The following TRIM55 variants were observed in gnomAD, a reference collection of about 807,000 sequenced individuals.
The protein encoded by TRIM55 is tripartite motif containing 55.
In TRIM55, 50 loss-of-function variants were observed where a neutral mutation model predicts 60.9. The observed-to-expected ratio is 0.82, with a 90% CI of 0.65 to 1.04. The LOEUF is 1.04. Ranked by LOEUF, TRIM55 falls within the 50% of genes least tolerant of loss-of-function variation. The pLI, the probability that TRIM55 is intolerant of heterozygous loss-of-function variation, is 0.00. For synonymous variants in TRIM55, 237 were observed against 238.1 expected, an observed-to-expected ratio of 1.00 and a Z score of 0.04; for missense variants, 681 against 666.9, an observed-to-expected ratio of 1.02 and a Z score of -0.23.
the TRIM55 span, among the ~76,000 whole-genome samples, chr8:66,115,860 G>C: frequency 6.6e-6 from 1 of 152,202 alleles, no homozygotes; most frequent in Non-Finnish European, 1.5e-5. Context: ...AAAGGCCTTA[G>C]TACAGTGCCT....
chr8:66,114,245 G>A, the TRIM55 span, among the ~76,000 whole-genome samples: 1 of 152,100 alleles, frequency 6.6e-6, no homozygotes, highest in Non-Finnish European at 1.5e-5. Context: ...TAGCGGGATC[G>A]ATGCCCGCAT....
intron 4 of TRIM55, among the ~76,000 whole-genome samples, chr8:66,142,860 T>C (rs975927193): frequency 6.6e-6 from 1 of 152,250 alleles, no homozygotes; most frequent in Non-Finnish European, 1.5e-5. Context: ...CCCTAGTCTG[T>C]ACTCATGGGA....
rs1051110935 is a variant in TRIM55, at chr8:66,135,028, A to C, written c.380A>C (p.His127Pro). 2.5e-6 allele frequency: 4 copies of C among 1,614,252 alleles called. No individual in the cohort carries two copies. Among genetic ancestry groups the C allele is most frequent in the Non-Finnish European group, 2.5e-6 (3 of 1,180,050 alleles). ...TCCGACCAGCCCATGTGCGAGGAACATGAAGAGGAGCGCATCAACATCTAC... is the reference window on the plus strand; with the variant it reads ...TCCGACCAGCCCATGTGCGAGGAACCTGAAGAGGAGCGCATCAACATCTAC... The part of the protein sequence containing the change: ...KKSDQPMCEE[H>P]EEERINIYCL... Residue 127 changes from histidine to proline, a missense_variant, in exon 3 of 10, where the codon CAT (histidine) becomes CCT (proline). Coordinates refer to ENST00000315962, the MANE Select transcript of TRIM55 (RefSeq NM_184085.2).
chr8:66,138,997 C>T (rs1239387124), intron 4 of TRIM55, among the ~76,000 whole-genome samples: 2 of 152,158 alleles, frequency 1.3e-5, no homozygotes, highest in African/African-American at 2.4e-5. Flanking sequence ...AAATCAATCT[C>T]GTTTCTTCTC....
At chr8:66,169,303 A>G (rs1211192871) in intron 9 of TRIM55, among the ~76,000 whole-genome samples, 1 of 152,180 alleles carries the variant, frequency 6.6e-6, no homozygotes, top group Admixed American at 6.5e-5. Context: ...ATATCCACCA[A>G]TCTGCACCCA....
the TRIM55 span, among the ~76,000 whole-genome samples, chr8:66,121,772 T>A: frequency 2.0e-5 from 3 of 152,374 alleles, no homozygotes; most frequent in Non-Finnish European, 2.9e-5. Context: ...GAATCTATTC[T>A]GGTTCTGAGG....
chr8:66,154,226 A>C lies in TRIM55; in HGVS notation c.1416A>C (p.Pro472=). ...GSEGLGQIGP[P]GSEDSNVRKA... is the part of the protein sequence containing the mutation. ...AAGGTCTGGGGCAAATAGGGCCTCC[A>C]GGTTCTGAGGATTCGAATGTACGGA... The change falls in exon 9 of 10, where the codon CCA becomes CCC. Residue 472 remains proline (P), a synonymous_variant. Transcript: ENST00000315962. 6.2e-7 allele frequency: 1 copy of C among 1,614,150 alleles called. No individual in the cohort carries two copies. The highest frequency in any genetic ancestry group is 1.1e-5 in the South Asian group (1 of 91,070).
the TRIM55 span, among the ~76,000 whole-genome samples, chr8:66,117,463 T>C: frequency 6.6e-6 from 1 of 152,262 alleles, no homozygotes; most frequent in Non-Finnish European, 1.5e-5. Context: ...TAAATGTGGC[T>C]ACTACAAAAT....
intron 4 of TRIM55, among the ~76,000 whole-genome samples, chr8:66,140,091 A>G (rs1371212057): frequency 6.6e-6 from 1 of 152,220 alleles, no homozygotes; most frequent in Non-Finnish European, 1.5e-5. Flanking sequence ...AGATTGTGCT[A>G]TACAACCTAA....
upstream of TRIM55, among the ~76,000 whole-genome samples, chr8:66,122,645 A>C (rs1047302358): frequency 6.6e-6 from 1 of 152,190 alleles, no homozygotes; most frequent in African/African-American, 2.4e-5. Flanking sequence ...TCACTGATGG[A>C]TGCCCCTTCT....
the TRIM55 span, among the ~76,000 whole-genome samples, chr8:66,120,056 G>A: frequency 2.0e-5 from 3 of 152,174 alleles, no homozygotes; most frequent in African/African-American, 7.2e-5. Flanking sequence ...GTGCATCACA[G>A]TTCAGCAGCC....
chr8:66,141,634 G>A (rs1393286071), intron 4 of TRIM55, among the ~76,000 whole-genome samples: 2 of 152,230 alleles, frequency 1.3e-5, no homozygotes, highest in Non-Finnish European at 2.9e-5. Flanking sequence ...GGATACTTAA[G>A]GGCACAGGCT....
At chr8:66,138,775 G>T (rs896198186) in intron 4 of TRIM55, among the ~76,000 whole-genome samples, 54 of 152,302 alleles carry the variant, frequency 3.5e-4, no homozygotes, top group Admixed American at 1.3e-4. Flanking sequence ...GGCAATCATG[G>T]TACCTATCTT....
At chr8:66,167,546 TA>T (rs1811393210) in intron 9 of TRIM55, among the ~76,000 whole-genome samples, 3 of 152,112 alleles carry the variant, frequency 2.0e-5, no homozygotes, top group African/African-American at 7.2e-5. Flanking sequence ...AACCAAACAG[TA>T]CACACCACAG....
the TRIM55 span, among the ~76,000 whole-genome samples, chr8:66,119,107 A>G: frequency 8.4e-4 from 128 of 152,334 alleles, no homozygotes; most frequent in Admixed American, 2.3e-3. Context: ...GCTCCAGCCC[A>G]ACTAAACTTC....
chr8:66,155,509 C>T, intron 9 of TRIM55: 2 of 688,984 alleles, frequency 2.9e-6, no homozygotes, highest in Admixed American at 5.5e-5. Context: ...TAGTGCACTA[C>T]CCCATGAAGA....
intron 4 of TRIM55, among the ~76,000 whole-genome samples, chr8:66,143,376 G>A (rs1173872628): frequency 2.6e-5 from 4 of 152,208 alleles, no homozygotes; most frequent in East Asian, 1.9e-4. Context: ...ACAGAGGGAA[G>A]CACATCATAG....
At chr8:66,128,153 G>T in intron 1 of TRIM55, 151 bp from the exon 2 acceptor site, 1 of 687,208 alleles carries the variant, frequency 1.5e-6, no homozygotes, top group South Asian at 2.2e-5. Context: ...TGTGTTTCAG[G>T]ACCACTTGCT....
intron 5 of TRIM55, 119 bp from the exon 6 acceptor site, chr8:66,150,098 T>C: frequency 8.1e-7 from 1 of 1,228,500 alleles, no homozygotes; most frequent in Non-Finnish European, 1.1e-6. Flanking sequence ...ACAGCAGTTA[T>C]TTATGACATT....
Sources: allele counts gnomAD v4.1 joint callset (sites outside exome capture counted in the v4.1 genomes callset), GRCh38; gene constraint gnomAD v4.1.1; transcripts MANE v1.5; gene names NCBI Gene and HGNC (gene_info 2026-07-23, HGNC 2026-07-21).